Variants in ZNF496 observed in about 807,000 individuals in gnomAD.
ZNF496 encodes the protein zinc finger protein 496, also known as NSD1 (nuclear receptor binding SET-domain containing 1)-interacting zinc finger protein 1.
A neutral mutation model predicts 58.9 loss-of-function variants in ZNF496; 11 were observed. The ratio of observed to expected loss-of-function variants is 0.19; its 90% CI spans 0.12 to 0.31. The LOEUF (loss-of-function observed/expected upper bound fraction) is 0.31. Ranked by LOEUF, ZNF496 falls within the 10% of genes least tolerant of loss-of-function variation. The pLI is 1.00. For missense variants in ZNF496, 660 were observed against 783.0 expected (o/e 0.84, Z 1.88); for synonymous variants, 338 against 318.2 (o/e 1.06, Z -0.66).
chr1:247,322,574 G>A, intron 6 of ZNF496: 1 of 433,160 alleles, frequency 2.3e-6, no homozygotes, highest in Non-Finnish European at 4.1e-6. Flanking sequence ...CTAGAGAGAG[G>A]CGAGTAAGAT....
At chr1:247,301,345 G>A (rs983080477) in intron 9 of ZNF496, 69 bp from the exon 10 acceptor site, 29 of 1,471,658 alleles carry the variant, frequency 2.0e-5, no homozygotes, top group Admixed American at 6.9e-5. Context: ...GACCGCGGCG[G>A]AGGAACACTC....
rs966197149 is a variant in ZNF496, at chr1:247,309,750, G to A, written c.841C>T (p.Pro281Ser). 1.9e-5 allele frequency: 30 copies of A among 1,614,066 alleles called. No homozygotes were observed. Among genetic ancestry groups the A allele is most frequent in the Non-Finnish European group, 2.4e-5 (28 of 1,180,054 alleles). The change falls in exon 8 of 10, where the codon CCA becomes TCA. Residue 281 changes from proline to serine, a missense_variant. Transcript: ENST00000682384. This position sits in a 1 kb window ranked among gnomAD's most constrained non-coding sequence, Gnocchi z 4.3. ...TTGCCCTGGAGATCCTGCAACTCTG[G>A]AACGCGTGGCTCATTCTCCTCTCCC... ...SQGEENEPRV[P>S]ELQDLQGKEV...
In ZNF496 at chr1:247,302,440, G is replaced by C. The variant is rs1314780083; in HGVS notation, c.1007-1164C>G. On this transcript the variant is annotated intron_variant, in intron 9 of 9. Coordinates refer to ENST00000682384, the MANE Select transcript of ZNF496 (RefSeq NM_032752.3). ...TCTGCCAAGAACCCACGTAGTATAG[G>C]AGGGAAATCATCAGATGAAGACAGA... is the stretch of plus-strand genomic sequence containing the variant. 3.3e-5 allele frequency among the ~76,000 whole-genome samples: 5 copies of C among 151,752 alleles called. No individual in the cohort carries two copies. The East Asian group carries it at 7.8e-4, about 24-fold the overall frequency.
intron 9 of ZNF496, among the ~76,000 whole-genome samples, chr1:247,306,502 T>TC (rs1558437337): frequency 6.7e-6 from 1 of 149,702 alleles, no homozygotes; most frequent in Non-Finnish European, 1.5e-5. Context: ...TGGCCGTTTT[T>TC]TTTTTCTTTT....
At chr1:247,307,963 T>A in intron 9 of ZNF496, 1 of 985,414 alleles carries the variant, frequency 1.0e-6, no homozygotes, top group Non-Finnish European at 1.2e-6. Flanking sequence ...GCAGCTTCAG[T>A]ATGCCAGAAA....
rs997720799 is a variant in ZNF496 at position 247,298,137 on chromosome 1, T to G, written c.*2382A>C. The G allele has an allele frequency of 6.6e-6, 1 of 152,144 alleles. No individual in the cohort carries two copies. Among genetic ancestry groups the G allele is most frequent in the Non-Finnish European group, 1.5e-5 (1 of 68,028 alleles). 9.4% of individuals were successfully genotyped at this position (152,144 alleles called of 1,614,324 possible). On this transcript the variant is annotated 3_prime_UTR_variant, in exon 10 of 10. Coordinates refer to ENST00000682384, the MANE Select transcript of ZNF496 (RefSeq NM_032752.3). ...CCTCCCTTGGCCTTAAAAATCGGAT[T>G]TCTCCCTTTTCCAGCTATGTTGATA... is the stretch of plus-strand genomic sequence containing the variant.
intron 6 of ZNF496, among the ~76,000 whole-genome samples, chr1:247,321,870 T>C (rs1329046394): frequency 6.6e-6 from 1 of 152,254 alleles, no homozygotes; most frequent in Non-Finnish European, 1.5e-5. Flanking sequence ...GTGTTGAGCA[T>C]CAGGGTAAAC....
chr1:247,313,257 C>T (rs1255544284), intron 6 of ZNF496: 2 of 152,124 alleles, frequency 1.3e-5, no homozygotes. Flanking sequence ...GAGGGGAACA[C>T]AAAAACATTC....
intron 6 of ZNF496, among the ~76,000 whole-genome samples, chr1:247,316,134 G>GT (rs1659758482): frequency 1.8e-5 from 2 of 108,576 alleles, no homozygotes; most frequent in African/African-American, 7.1e-5. Context: ...CCTGGGAGAG[G>GT]GGTGTGTGTG....
In ZNF496 at chr1:247,309,276, C is replaced by T; in HGVS notation, c.892+423G>A. The T allele has an allele frequency of 1.6e-6, 1 of 610,734 alleles. No individual in the cohort carries two copies. Among genetic ancestry groups the T allele is most frequent in the South Asian group, 5.7e-5 (1 of 17,596 alleles). 37.8% of individuals were successfully genotyped at this position (610,734 alleles called of 1,614,324 possible). Reference sequence around the variant, plus strand: ...ACACCCCAGTGTCCTCACAGCACCCCTGTACCAGGCAGATGGGAAGACTAG... The same window carrying T: ...ACACCCCAGTGTCCTCACAGCACCCTTGTACCAGGCAGATGGGAAGACTAG... On this transcript the variant is annotated intron_variant, in intron 8 of 9. Transcript: ENST00000682384. The surrounding 1 kb of genome is among the most constrained non-coding windows in gnomAD (Gnocchi z 4.3).
At chr1:247,318,607 AAAC>A (rs1659860305) in intron 6 of ZNF496, among the ~76,000 whole-genome samples, 1 of 151,934 alleles carries the variant, frequency 6.6e-6, no homozygotes, top group African/African-American at 2.4e-5. Context: ...TGCTGAAAGA[AAAC>A]TGTCAAGTGT....
chr1:247,325,398 T>G (rs1660088817), intron 5 of ZNF496, among the ~76,000 whole-genome samples: 1 of 152,252 alleles, frequency 6.6e-6, no homozygotes, highest in Non-Finnish European at 1.5e-5. Flanking sequence ...AAGCTATAAT[T>G]GACAAAAATT....
At chr1:247,327,818 GC>G (rs1241540107) in intron 5 of ZNF496, among the ~76,000 whole-genome samples, 2 of 83,936 alleles carry the variant, frequency 2.4e-5, no homozygotes, top group East Asian at 6.1e-4. Flanking sequence ...AGCCCCCCTG[GC>G]CCCCCAGACA....
intron 9 of ZNF496, chr1:247,307,842 T>C: frequency 1.0e-6 from 1 of 985,414 alleles, no homozygotes; most frequent in Non-Finnish European, 1.2e-6. Context: ...GATGGCAGTA[T>C]TGTAGCCTCT....
At chr1:247,317,911 C>T (rs572037402) in intron 6 of ZNF496, among the ~76,000 whole-genome samples, 1 of 152,238 alleles carries the variant, frequency 6.6e-6, no homozygotes, top group Admixed American at 6.5e-5. Flanking sequence ...GTGACAGATA[C>T]GTTAGAACTA....
intron 6 of ZNF496, among the ~76,000 whole-genome samples, chr1:247,319,663 C>T (rs1019570979): frequency 6.6e-6 from 1 of 152,120 alleles, no homozygotes; most frequent in Admixed American, 6.6e-5. Flanking sequence ...TGGCTCACAC[C>T]GGTAATCCCA....
rs1403182374 is a variant in ZNF496, at chr1:247,298,302, C to A, written c.*2217G>T. The A allele has an allele frequency of 4.6e-5, 7 of 152,206 alleles. No individual in the cohort carries two copies. The highest frequency in any genetic ancestry group is 4.6e-4 in the Admixed American group (7 of 15,274). The allele number at this position is 152,206 out of a possible 1,614,324, so 9.4% of individuals were successfully genotyped here. On this transcript the variant is annotated 3_prime_UTR_variant, in exon 10 of 10. Coordinates refer to ENST00000682384, the MANE Select transcript of ZNF496 (RefSeq NM_032752.3). ...GAAACAGCAGTTGTGGTTATAAAATCTTTTAACGAGTTTGGGGCAGAGGCT... is the reference window on the plus strand; with the variant it reads ...GAAACAGCAGTTGTGGTTATAAAATATTTTAACGAGTTTGGGGCAGAGGCT...
At chr1:247,324,821 T>C (rs1660072599) in intron 5 of ZNF496, among the ~76,000 whole-genome samples, 1 of 152,248 alleles carries the variant, frequency 6.6e-6, no homozygotes, top group Admixed American at 6.5e-5. Flanking sequence ...TTTGACACAG[T>C]GTCCTAAAGA....
At chr1:247,316,245 G>A (rs956748027) in intron 6 of ZNF496, among the ~76,000 whole-genome samples, 4 of 150,912 alleles carry the variant, frequency 2.7e-5, no homozygotes, top group Non-Finnish European at 4.4e-5. Flanking sequence ...GTGAGCGCGC[G>A]CAGTGGGGGT....
Sources: gnomAD v4.1 joint callset for allele counts (sites outside exome capture counted in the v4.1 genomes callset) on GRCh38, gnomAD v4.1.1 for gene constraint, Gnocchi (gnomAD v3.1) non-coding constraint, MANE v1.5 for transcripts, NCBI Gene and HGNC (gene_info 2026-07-23, HGNC 2026-07-21) for gene names.